Variants in RANBP2 observed in about 807,000 individuals in gnomAD.
The protein encoded by RANBP2 is RAN binding protein 2.
In RANBP2, 57 loss-of-function variants were observed where a neutral mutation model predicts 303.6. The observed-to-expected ratio is 0.19, with a 90% CI of 0.15 to 0.23. The LOEUF is 0.23. RANBP2 is among the 10% of genes least tolerant of loss of function. The pLI is 1.00. For missense variants in RANBP2, 3,138 were observed against 3,780.8 expected (o/e 0.83, Z 4.46); for synonymous variants, 1,167 against 1,301.5 (o/e 0.90, Z 2.23).
the RANBP2 span, among the ~76,000 whole-genome samples, chr2:109,316,881 A>G: frequency 1.3e-5 from 2 of 152,222 alleles, no homozygotes; most frequent in Admixed American, 1.3e-4. Context: ...CCAGAACATC[A>G]TACAGTTGGA....
the RANBP2 span, chr2:109,129,360 ACGCAGGC>A: frequency 2.6e-6 from 1 of 377,898 alleles, no homozygotes; most frequent in Non-Finnish European, 4.5e-6. Context: ...GGTCCCCGCC[ACGCAGGC>A]CGGTCGGTGA....
the RANBP2 span, among the ~76,000 whole-genome samples, chr2:109,027,842 T>C: frequency 6.6e-6 from 1 of 152,192 alleles, no homozygotes; most frequent in Non-Finnish European, 1.5e-5. Flanking sequence ...TCTGAGTCCC[T>C]GCCAGTCCCC....
chr2:109,538,405 C>G, the RANBP2 span, among the ~76,000 whole-genome samples: 1 of 152,246 alleles, frequency 6.6e-6, no homozygotes, highest in Non-Finnish European at 1.5e-5. Context: ...GGATGTCTCT[C>G]AGGGCCATTA....
chr2:109,130,039 C>T, the RANBP2 span: 6 of 1,355,258 alleles, frequency 4.4e-6, no homozygotes, highest in Middle Eastern at 2.8e-4. Flanking sequence ...CCCGGTTTTC[C>T]TCTCCGCGGC....
chr2:109,014,208 GC>G, the RANBP2 span, among the ~76,000 whole-genome samples: 1,015 of 152,280 alleles, frequency 6.7e-3, 7 homozygotes, highest in South Asian at 0.027. Flanking sequence ...TTTCAGCAGG[GC>G]TGCCCAACAG....
the RANBP2 span, among the ~76,000 whole-genome samples, chr2:109,202,375 G>A: frequency 6.6e-6 from 1 of 152,282 alleles, no homozygotes; most frequent in African/African-American, 2.4e-5. Flanking sequence ...CTCTGTTTGA[G>A]ATTTTGTGAA....
At chr2:109,209,299 T>C in the RANBP2 span, among the ~76,000 whole-genome samples, 2 of 152,126 alleles carry the variant, frequency 1.3e-5, no homozygotes, top group African/African-American at 4.8e-5. Context: ...GCGCGGGTGA[T>C]TTTGGTGACC....
At chr2:109,412,642 G>C in the RANBP2 span, among the ~76,000 whole-genome samples, 1 of 152,340 alleles carries the variant, frequency 6.6e-6, no homozygotes, top group East Asian at 1.9e-4. Flanking sequence ...TGGCACATGG[G>C]GGATCGAGAA....
the RANBP2 span, among the ~76,000 whole-genome samples, chr2:108,932,765 CAT>C: frequency 1.3e-5 from 2 of 152,120 alleles, no homozygotes; most frequent in African/African-American, 2.4e-5. Flanking sequence ...ATGCCAAGTA[CAT>C]ATGTGTTTTT....
chr2:109,078,089 TATATATATATATA>T, the RANBP2 span, among the ~76,000 whole-genome samples: 2 of 10,500 alleles, frequency 1.9e-4, no homozygotes, highest in African/African-American at 2.8e-4. Flanking sequence ...TATATATATA[TATATATATATATA>T]TATATATATA....
At chr2:108,897,305 A>G in the RANBP2 span, 1 of 1,368,520 alleles carries the variant, frequency 7.3e-7, no homozygotes, top group East Asian at 2.5e-5. Context: ...AATTATTTAA[A>G]TGAAATAAAA....
At chr2:109,402,599 C>G in the RANBP2 span, among the ~76,000 whole-genome samples, 20 of 152,266 alleles carry the variant, frequency 1.3e-4, no homozygotes, top group Non-Finnish European at 2.6e-4. Flanking sequence ...AGCCAGTCCC[C>G]TGCCTCTCAC....
chr2:108,976,641 T>C, the RANBP2 span, among the ~76,000 whole-genome samples: 2 of 152,280 alleles, frequency 1.3e-5, no homozygotes, highest in African/African-American at 4.8e-5. Context: ...CATCCGTCCA[T>C]TATTTATTTG....
At chr2:109,459,189 A>G in the RANBP2 span, among the ~76,000 whole-genome samples, 1 of 152,154 alleles carries the variant, frequency 6.6e-6, no homozygotes, top group African/African-American at 2.4e-5. Flanking sequence ...CTTATATTAC[A>G]TGGTGAGATA....
chr2:108,876,826 C>T, the RANBP2 span, among the ~76,000 whole-genome samples: 3 of 151,888 alleles, frequency 2.0e-5, no homozygotes, highest in Non-Finnish European at 2.9e-5. Context: ...CATGTATATA[C>T]AAGGCAAGAC....
the RANBP2 span, among the ~76,000 whole-genome samples, chr2:109,191,333 G>A: frequency 6.6e-6 from 1 of 152,224 alleles, no homozygotes; most frequent in African/African-American, 2.4e-5. Flanking sequence ...TAGGAGCTCC[G>A]TGAGGACCCT....
chr2:109,552,502 C>G, the RANBP2 span: 1 of 152,184 alleles, frequency 6.6e-6, no homozygotes, highest in African/African-American at 2.4e-5. Context: ...GCTCAAAAGG[C>G]CAAAATTCTC....
chr2:109,572,434 C>G, the RANBP2 span, among the ~76,000 whole-genome samples: 1 of 151,628 alleles, frequency 6.6e-6, no homozygotes, highest in Non-Finnish European at 1.5e-5. Flanking sequence ...TACCTGGCCT[C>G]TAGCCCTATT....
At chr2:109,535,207 T>G in the RANBP2 span, among the ~76,000 whole-genome samples, 2 of 152,358 alleles carry the variant, frequency 1.3e-5, no homozygotes, top group East Asian at 3.9e-4. Context: ...TGGACCTCAG[T>G]ATGCTGGCAT....
Sources: gnomAD v4.1 joint callset for allele counts (sites outside exome capture counted in the v4.1 genomes callset) on GRCh38, gnomAD v4.1.1 for gene constraint, MANE v1.5 for transcripts, NCBI Gene and HGNC (gene_info 2026-07-23, HGNC 2026-07-21) for gene names.